Variants in FGF14 observed in about 807,000 individuals in gnomAD.
FGF14 encodes fibroblast growth factor homologous factor 4.
Under a neutral mutation model 25.5 loss-of-function variants are expected in FGF14, and 5 were observed. The ratio of observed to expected loss-of-function variants is 0.20; its 90% CI spans 0.10 to 0.41. The LOEUF is 0.41. Ranked by LOEUF, FGF14 falls within the 10% of genes least tolerant of loss-of-function variation. The pLI, the probability that FGF14 is intolerant of heterozygous loss-of-function variation, is 1.00. For missense variants in FGF14, 222 were observed against 320.1 expected (o/e 0.69, Z 2.34); for synonymous variants, 138 against 118.3 (o/e 1.17, Z -1.08).
intron 1 of FGF14, among the ~76,000 whole-genome samples, chr13:102,365,805 GTATA>G (rs1182677539): frequency 3.9e-5 from 6 of 151,980 alleles, no homozygotes; most frequent in African/African-American, 7.2e-5. Context: ...ATGTGGAAAT[GTATA>G]TGTGTCTGTA....
chr13:102,300,079 T>C (rs1164473420), intron 1 of FGF14: 1 of 152,182 alleles, frequency 6.6e-6, no homozygotes, highest in Non-Finnish European at 1.5e-5. Flanking sequence ...CACTTCTAGT[T>C]TCTGCTACAT....
At chr13:102,146,212 G>T (rs767169962) in intron 1 of FGF14, among the ~76,000 whole-genome samples, 1 of 152,112 alleles carries the variant, frequency 6.6e-6, no homozygotes, top group East Asian at 1.9e-4. Flanking sequence ...TAATTTACAC[G>T]CAGTACATGT....
At chr13:102,355,776 A>G (rs190966817) in intron 1 of FGF14, among the ~76,000 whole-genome samples, 2 of 152,188 alleles carry the variant, frequency 1.3e-5, no homozygotes, top group Admixed American at 1.3e-4. Flanking sequence ...TTTTGAACAT[A>G]ACGTATGTGA....
chr13:101,953,060 A>T (rs1413553210), intron 1 of FGF14, among the ~76,000 whole-genome samples: 1 of 151,730 alleles, frequency 6.6e-6, no homozygotes, highest in Non-Finnish European at 1.5e-5. Context: ...ACTGTCTTGG[A>T]AAGTTGTGTA....
At chr13:101,991,453 T>C (rs961871842) in intron 1 of FGF14, among the ~76,000 whole-genome samples, 13 of 152,158 alleles carry the variant, frequency 8.5e-5, no homozygotes, top group African/African-American at 1.9e-4. Context: ...AGCCTATGAT[T>C]AGTTCCTGGG....
intron 3 of FGF14, among the ~76,000 whole-genome samples, chr13:101,797,772 T>TGTGTGCGCGC (rs34927828): frequency 1.9e-4 from 27 of 145,670 alleles, no homozygotes; most frequent in African/African-American, 6.0e-4. Flanking sequence ...TGTGTGTGTG[T>TGTGTGCGCGC]GTGTGTGTGT....
intron 2 of FGF14, among the ~76,000 whole-genome samples, chr13:101,869,694 AAGTC>A (rs2044940927): frequency 6.6e-6 from 1 of 152,168 alleles, no homozygotes; most frequent in Non-Finnish European, 1.5e-5. Flanking sequence ...CTTCTTAACT[AAGTC>A]TAATTCTAAG....
chr13:102,341,335 TG>T lies in FGF14; in HGVS notation c.208+60135del, dbSNP rs377185407. Among the ~76,000 whole-genome samples, 138 of 152,300 alleles carry T rather than the reference TG, an allele frequency of 9.1e-4. 2 individuals are homozygous for T. The East Asian group carries it at 0.016, about 18-fold the overall frequency. On this transcript the variant is annotated intron_variant, in intron 1 of 4. Transcript: ENST00000376131. ...CCATTATGAGGAGACAAATTTGTTT[TG>T]GGTTCCTGCTTCATTCCAAATAACA...
At chr13:102,136,268 T>A (rs1185979488) in intron 1 of FGF14, among the ~76,000 whole-genome samples, 2 of 152,182 alleles carry the variant, frequency 1.3e-5, no homozygotes, top group African/African-American at 4.8e-5. Context: ...GTGTTTTAAA[T>A]CTTGGAACCC....
intron 1 of FGF14, among the ~76,000 whole-genome samples, chr13:102,276,976 T>C (rs1390890435): frequency 1.3e-5 from 2 of 152,194 alleles, no homozygotes; most frequent in Non-Finnish European, 2.9e-5. Context: ...CTAAGGGTGC[T>C]TGCTAAAAGC....
chr13:101,876,158 T>C (rs1003435893), intron 1 of FGF14, among the ~76,000 whole-genome samples: 3 of 152,164 alleles, frequency 2.0e-5, no homozygotes, highest in African/African-American at 7.2e-5. Flanking sequence ...TGATGATTCA[T>C]TGAAAAGACA....
chr13:101,912,875 G>C (rs1363430622), intron 1 of FGF14, among the ~76,000 whole-genome samples: 1 of 152,004 alleles, frequency 6.6e-6, no homozygotes, highest in Non-Finnish European at 1.5e-5. Flanking sequence ...TCCAATCCAA[G>C]GGCAATGAGG....
At chr13:102,171,015 G>A (rs1193847182) in intron 1 of FGF14, among the ~76,000 whole-genome samples, 2 of 152,126 alleles carry the variant, frequency 1.3e-5, no homozygotes, top group African/African-American at 4.8e-5. Context: ...ATTTAAAGAA[G>A]TGATTGACTT....
At chr13:102,056,739 C>A (rs1168904195) in intron 1 of FGF14, among the ~76,000 whole-genome samples, 2 of 149,886 alleles carry the variant, frequency 1.3e-5, no homozygotes, top group African/African-American at 4.9e-5. Context: ...CAATGAATAC[C>A]AGAATTATAT....
At chr13:101,972,485 T>C (rs2139551324) in intron 1 of FGF14, among the ~76,000 whole-genome samples, 1 of 152,380 alleles carries the variant, frequency 6.6e-6, no homozygotes, top group African/African-American at 2.4e-5. Flanking sequence ...CTGACTCATC[T>C]GCAGATATTC....
intron 1 of FGF14, among the ~76,000 whole-genome samples, chr13:102,379,624 C>T (rs558964313): frequency 1.3e-5 from 2 of 151,958 alleles, no homozygotes; most frequent in South Asian, 2.1e-4. Flanking sequence ...GAATGTAACA[C>T]GTGCATATAG....
chr13:101,714,639 G>T lies in FGF14; in HGVS notation c.*8192C>A. The stretch of plus-strand genomic sequence containing the variant: ...CGTCATGCAATGCTTTAGGTGGCTG[G>T]ACCAACAGGGCCAACCGTGAATATG... On this transcript the variant is annotated 3_prime_UTR_variant, in exon 5 of 5. Coordinates refer to ENST00000376143, the MANE Select transcript of FGF14 (RefSeq NM_004115.4). 1.2e-6 allele frequency: 1 copy of T among 821,162 alleles called. No individual in the cohort carries two copies. The highest frequency in any genetic ancestry group is 1.4e-5 in the South Asian group (1 of 69,904). 50.9% of individuals were successfully genotyped at this position (821,162 alleles called of 1,614,324 possible). A position where few individuals can be genotyped will look rare whatever the true frequency, so the allele number is the denominator to read the frequency against.
chr13:102,401,142 G>A (rs1450078368), intron 1 of FGF14, among the ~76,000 whole-genome samples: 1 of 151,930 alleles, frequency 6.6e-6, no homozygotes, highest in African/African-American at 2.4e-5. Flanking sequence ...CGAAGCTTCA[G>A]CTGCCTGGGG....
At chr13:101,840,186 T>C (rs2043131432) in intron 3 of FGF14, among the ~76,000 whole-genome samples, 2 of 152,094 alleles carry the variant, frequency 1.3e-5, no homozygotes, top group Non-Finnish European at 2.9e-5. Flanking sequence ...ACTGAGTATG[T>C]TTATTTTAAA....
Sources: allele counts gnomAD v4.1 joint callset (sites outside exome capture counted in the v4.1 genomes callset), GRCh38; gene constraint gnomAD v4.1.1; transcripts MANE v1.5; gene names NCBI Gene and HGNC (gene_info 2026-07-23, HGNC 2026-07-21).